The following BRSK2 variants were observed in gnomAD, a reference collection of about 807,000 sequenced individuals.
BRSK2 encodes serine/threonine-protein kinase BRSK2.
A neutral mutation model predicts 83.3 loss-of-function variants in BRSK2; 19 were observed. The observed-to-expected ratio is 0.23, with a 90% CI of 0.16 to 0.33. BRSK2 has a LOEUF of 0.33. BRSK2 is among the 10% of genes least tolerant of loss of function. BRSK2 has a pLI of 1.00. For missense variants in BRSK2, 798 were observed against 1,042.3 expected (o/e 0.77, Z 3.23); for synonymous variants, 519 against 435.4 (o/e 1.19, Z -2.39).
chr11:1,419,373 G>A (rs972511315), intron 1 of BRSK2, among the ~76,000 whole-genome samples: 1 of 152,242 alleles, frequency 6.6e-6, no homozygotes, highest in African/African-American at 2.4e-5. Context: ...GGCTGCCCGG[G>A]CAGCTCCAAA....
In BRSK2 at chr11:1,445,567, G is replaced by A; in HGVS notation, c.978-4G>A. 3 of 1,581,866 alleles carry A rather than the reference G, an allele frequency of 1.9e-6. No individual in the cohort carries two copies. The highest frequency in any genetic ancestry group is 2.3e-5 in the South Asian group (2 of 87,962). Reference sequence around the variant, plus strand: ...GCGCGTCTCGCGCCTCTCGCCCGCTGTAGGGAGAACCAGGAGAAGATGATT... The same window carrying A: ...GCGCGTCTCGCGCCTCTCGCCCGCTATAGGGAGAACCAGGAGAAGATGATT... On this transcript the variant is annotated splice_region_variant and splice_polypyrimidine_tract_variant and intron_variant, in intron 10 of 19. Transcript: ENST00000528841.
At chr11:1,456,963 C>A (rs1025362378) in intron 18 of BRSK2, 2 of 1,597,418 alleles carry the variant, frequency 1.3e-6, no homozygotes, top group Admixed American at 3.3e-5. Flanking sequence ...AGAACCCCCC[C>A]CACCAGCGCC....
chr11:1,445,205 G>A (rs1186822131), intron 9 of BRSK2, 89 bp from the exon 10 acceptor site: 3 of 1,514,740 alleles, frequency 2.0e-6, no homozygotes, highest in East Asian at 2.3e-5. Flanking sequence ...GCAGGATGAA[G>A]GGCCCCAGGT....
intron 1 of BRSK2, among the ~76,000 whole-genome samples, chr11:1,398,073 G>A (rs1395011452): frequency 6.6e-6 from 1 of 151,960 alleles, no homozygotes; most frequent in African/African-American, 2.4e-5. Context: ...GAGTCCAGCT[G>A]TGGGTGGTTT....
Position 1,460,605 on chromosome 11 carries a change from ACGGCCCACTCGGTGACTCCG to A in BRSK2, c.2099_2118del (p.Pro700ArgfsTer120). ...AGCACGCCCGCCAAGCGGAGTGCCC[ACGGCCCACTCGGTGACTCCG>A]CGGCCGCTGGCCCTGGCCCCGGAGG... is the stretch of plus-strand genomic sequence containing the variant. On this transcript the variant is annotated frameshift_variant, in exon 20 of 20. Transcript: ENST00000528841. LOFTEE classifies it high-confidence loss of function. 6.5e-7 allele frequency: 1 copy of A among 1,531,410 alleles called. No individual in the cohort carries two copies. 94.9% of individuals were successfully genotyped at this position (1,531,410 alleles called of 1,614,324 possible).
At chr11:1,458,082 A>G (rs1240700081) in intron 18 of BRSK2, among the ~76,000 whole-genome samples, 1 of 152,096 alleles carries the variant, frequency 6.6e-6, no homozygotes, top group African/African-American at 2.4e-5. Context: ...GAGGCCAGGG[A>G]ACGACAGGGC....
Position 1,423,570 on chromosome 11 carries a change from C to T in BRSK2, c.92-12470C>T, listed in dbSNP as rs534706313. Among the ~76,000 whole-genome samples the T allele has an allele frequency of 1.4e-4, 21 of 152,242 alleles. No individual in the cohort carries two copies. The East Asian group carries it at 3.3e-3, about 24-fold the overall frequency. On this transcript the variant is annotated intron_variant, in intron 1 of 19. Coordinates refer to ENST00000528841, the MANE Select transcript of BRSK2 (RefSeq NM_001256627.2). This position sits in a 1 kb window ranked among gnomAD's most constrained non-coding sequence, Gnocchi z 6.5. ...CCTGGGGCTCCTCAGACCCGGTCAC[C>T]GAACAGCAGAGACGTGCTCTTTCAC...
intron 1 of BRSK2, among the ~76,000 whole-genome samples, chr11:1,400,236 C>T (rs904505284): frequency 8.5e-5 from 13 of 152,282 alleles, no homozygotes; most frequent in Non-Finnish European, 1.3e-4. Flanking sequence ...TGGACTCAGT[C>T]TCCCGCCCCC....
chr11:1,390,629 C>T lies in BRSK2; in HGVS notation c.91+254C>T, dbSNP rs1845664115. Among the ~76,000 whole-genome samples the T allele has an allele frequency of 6.8e-6, 1 of 146,668 alleles. No homozygotes were observed. The highest frequency in any genetic ancestry group is 6.8e-5 in the Admixed American group (1 of 14,798). On this transcript the variant is annotated intron_variant, in intron 1 of 19. Coordinates refer to ENST00000528841, the MANE Select transcript of BRSK2 (RefSeq NM_001256627.2). This position sits in a 1 kb window ranked among gnomAD's most constrained non-coding sequence, Gnocchi z 6.8. ...GCGCGGCGCGGGGCGCGCAGGCGGA[C>T]AGGGGCGCACGGGACGGCGCCCCTC...
chr11:1,422,467 G>A (rs895886162), intron 1 of BRSK2, among the ~76,000 whole-genome samples: 2 of 152,154 alleles, frequency 1.3e-5, no homozygotes, highest in African/African-American at 4.8e-5. Flanking sequence ...AGGCTCTGCG[G>A]TGGGCCCTGG....
At chr11:1,425,498 G>A (rs117872006) in intron 1 of BRSK2, among the ~76,000 whole-genome samples, 3,607 of 152,312 alleles carry the variant, frequency 0.024, 56 homozygotes, top group Non-Finnish European at 0.033. Context: ...GTTGTCACCT[G>A]TCCTGGTCTC....
intron 12 of BRSK2, chr11:1,447,902 CCA>C: frequency 6.4e-7 from 1 of 1,557,158 alleles, no homozygotes; most frequent in Non-Finnish European, 8.7e-7. Context: ...CCTCCCAGCC[CCA>C]GACACGCTGT....
At chr11:1,460,477 T>TTTTTTTTTTTG in intron 19 of BRSK2, 23 bp from the exon 20 acceptor site, 1 of 1,259,288 alleles carries the variant, frequency 7.9e-7, no homozygotes, top group South Asian at 2.1e-5. Context: ...TTTTTTTTTT[T>TTTTTTTTTTTG]TGTCTCTGTT....
chr11:1,460,457 TTTC>T, intron 19 of BRSK2, 40 bp from the exon 20 acceptor site: 2 of 1,162,052 alleles, frequency 1.7e-6, no homozygotes, highest in Non-Finnish European at 2.2e-6. Flanking sequence ...TTTTTTCTTT[TTTC>T]CTTTTTTTTT....
intron 14 of BRSK2, 120 bp from the exon 15 acceptor site, chr11:1,451,251 G>T (rs1238693069): frequency 1.7e-6 from 2 of 1,193,758 alleles, no homozygotes; most frequent in Admixed American, 1.7e-5. Flanking sequence ...CCCCTGGGGG[G>T]GCTGTCCCAG....
chr11:1,395,078 G>A (rs544914252), intron 1 of BRSK2, among the ~76,000 whole-genome samples: 8 of 152,312 alleles, frequency 5.3e-5, no homozygotes, highest in Admixed American at 2.6e-4. Context: ...CAGCCATGAA[G>A]GTGAAGGTGG....
chr11:1,433,400 T>C (rs1395113171), intron 1 of BRSK2, among the ~76,000 whole-genome samples: 45 of 152,270 alleles, frequency 3.0e-4, no homozygotes, highest in Non-Finnish European at 1.0e-4. Context: ...TGCCTCATGC[T>C]GGGCATTTCT....
intron 15 of BRSK2, chr11:1,453,749 C>G (rs1846097460): frequency 6.6e-6 from 1 of 152,294 alleles, no homozygotes; most frequent in Non-Finnish European, 1.5e-5. Context: ...CCTGCTGGCC[C>G]CTCCTCCCGG....
At chr11:1,411,390 C>T in intron 1 of BRSK2, 1 of 1,459,666 alleles carries the variant, frequency 6.9e-7, no homozygotes, top group Non-Finnish European at 9.0e-7. Flanking sequence ...CCTGGTAGGG[C>T]ACCAGCCTCA....
Sources: allele counts gnomAD v4.1 joint callset (sites outside exome capture counted in the v4.1 genomes callset), GRCh38; gene constraint gnomAD v4.1.1; non-coding constraint Gnocchi (gnomAD v3.1); transcripts MANE v1.5; gene names NCBI Gene and HGNC (gene_info 2026-07-23, HGNC 2026-07-21).